PDLIM3: variants seen among roughly 807,000 people sequenced by gnomAD.
PDLIM3 encodes PDZ and LIM domain 3.
PDLIM3 carries 36 observed loss-of-function variants against 37.3 expected under a neutral mutation model. That is an observed-to-expected ratio of 0.97 (90% CI 0.74 to 1.28). The LOEUF (loss-of-function observed/expected upper bound fraction) is 1.28, where lower values mean the gene tolerates loss of function less well. PDLIM3 is among the 50% of genes most tolerant of loss of function. PDLIM3 has a pLI of 0.00. For missense variants in PDLIM3, 454 were observed against 485.0 expected (o/e 0.94, Z 0.60); for synonymous variants, 174 against 182.4 (o/e 0.95, Z 0.37).
At chr4:185,527,618 C>G (rs2095736538) in intron 1 of PDLIM3, among the ~76,000 whole-genome samples, 1 of 152,202 alleles carries the variant, frequency 6.6e-6, no homozygotes, top group South Asian at 2.1e-4. Context: ...AGACCCAGAA[C>G]TGTTAGTAGA....
chr4:185,513,998 G>T, intron 4 of PDLIM3: 1 of 1,312,410 alleles, frequency 7.6e-7, no homozygotes, highest in East Asian at 3.6e-5. Flanking sequence ...TTCTGGATGG[G>T]ATCCCCAGAG....
rs2095685994 is a variant in PDLIM3 at position 185,500,672 on chromosome 4, C to CA, written c.*1621dup. 6.6e-6 allele frequency: 1 copy of CA among 152,104 alleles called. No individual in the cohort carries two copies. Among genetic ancestry groups the CA allele is most frequent in the Non-Finnish European group, 1.5e-5 (1 of 68,022 alleles). The allele number at this position is 152,104 out of a possible 1,614,324, so 9.4% of individuals were successfully genotyped here. ...TTGGATACATTCATTTCTTTGATCT[C>CA]AAAAGTCTGTTTTATTTTTTTAATA... On this transcript the variant is annotated 3_prime_UTR_variant, in exon 8 of 8. Transcript: ENST00000284767.
intron 1 of PDLIM3, among the ~76,000 whole-genome samples, chr4:185,529,494 G>C (rs1055769561): frequency 6.6e-6 from 1 of 152,178 alleles, no homozygotes; most frequent in East Asian, 1.9e-4. Flanking sequence ...GGTAGGCACG[G>C]ACCAAAATCA....
intron 1 of PDLIM3, among the ~76,000 whole-genome samples, chr4:185,530,426 T>C (rs1223208012): frequency 1.3e-5 from 2 of 152,228 alleles, no homozygotes; most frequent in African/African-American, 4.8e-5. Flanking sequence ...CTCAAGCTCA[T>C]ATAGCATTCT....
chr4:185,511,062 A>T lies in PDLIM3; in HGVS notation c.399-2500T>A, dbSNP rs148945246. On this transcript the variant is annotated intron_variant, in intron 4 of 7. Coordinates refer to ENST00000284767, the MANE Select transcript of PDLIM3 (RefSeq NM_014476.6). ...GGTTGATAACACACTCAATTACTTCATGCCCAGATACGTCATTTGACAGAT... is the reference window on the plus strand; with the variant it reads ...GGTTGATAACACACTCAATTACTTCTTGCCCAGATACGTCATTTGACAGAT... 1.7e-3 allele frequency among the ~76,000 whole-genome samples: 256 copies of T among 152,342 alleles called. 3 individuals are homozygous for T. Among genetic ancestry groups the T allele is most frequent in the Admixed American group, 0.014 (221 of 15,306 alleles).
chr4:185,523,474 T>G (rs1444252006), intron 2 of PDLIM3, 28 bp from the exon 3 acceptor site: 4 of 1,369,474 alleles, frequency 2.9e-6, no homozygotes, highest in Admixed American at 1.7e-5. Flanking sequence ...TTTGTAAACT[T>G]CAAATTCTAA....
At chr4:185,530,967 A>AACACACACACACACAC (rs755319452) in intron 1 of PDLIM3, among the ~76,000 whole-genome samples, 1 of 51,420 alleles carries the variant, frequency 1.9e-5, no homozygotes, top group Non-Finnish European at 4.0e-5. Flanking sequence ...CATGCATAGA[A>AACACACACACACACAC]ACACACACAC....
Position 185,535,440 on chromosome 4 carries a change from C to T in PDLIM3, c.-6G>A, listed in dbSNP as rs752769578. ...AGGATCACCGTCTGGGGCATGCCGC[C>T]TTCCTCCCGCCCACCGGGCTCTAAG... On this transcript the variant is annotated 5_prime_UTR_variant, in exon 1 of 8. Transcript: ENST00000284767. 6 of 1,583,096 alleles carry T rather than the reference C, an allele frequency of 3.8e-6. No individual in the cohort carries two copies. In the Admixed American group the frequency reaches 7.1e-5, roughly 19 times the overall value.
Position 185,506,627 on chromosome 4 carries a change from C to T in PDLIM3, c.688G>A (p.Glu230Lys), listed in dbSNP as rs1440043894. 7 of 1,607,192 alleles carry T rather than the reference C, an allele frequency of 4.4e-6. No individual in the cohort carries two copies. The highest frequency in any genetic ancestry group is 2.2e-5 in the East Asian group (1 of 44,878). ...TGGAGCATCCGGTACACGTCCGACT[C>T]GGGGGGCACCGAGGCTGTGGGCTCG... ...MSEPTASVPPESDVYRMLHDN... is the reference protein window; with the variant it reads ...MSEPTASVPPKSDVYRMLHDN... The change falls in exon 6 of 8, where the codon GAG becomes AAG. Residue 230 changes from glutamate (E) to lysine (K), a missense_variant. Transcript: ENST00000284767.
chr4:185,502,541 A>C, intron 7 of PDLIM3, 58 bp from the exon 8 acceptor site: 4 of 1,489,340 alleles, frequency 2.7e-6, no homozygotes, highest in South Asian at 1.1e-5. Context: ...ATATGAGACA[A>C]AGGAGAGAAC....
chr4:185,535,260 C>CG, intron 1 of PDLIM3, 82 bp downstream of exon 1: 2 of 1,288,908 alleles, frequency 1.6e-6, no homozygotes, highest in Non-Finnish European at 2.2e-6. Context: ...TGGCCGCCCT[C>CG]GGCCCCGGGG....
At chr4:185,531,644 T>C (rs183589788) in intron 1 of PDLIM3, among the ~76,000 whole-genome samples, 25 of 152,264 alleles carry the variant, frequency 1.6e-4, no homozygotes, top group Non-Finnish European at 3.1e-4. Context: ...TCTGTATTTG[T>C]ATAGTGTGAG....
At chr4:185,515,498 A>G (rs1160406730) in intron 3 of PDLIM3, 1 of 152,044 alleles carries the variant, frequency 6.6e-6, no homozygotes, top group Non-Finnish European at 1.5e-5. Flanking sequence ...CAAGTGAGAG[A>G]CTCTTTTTAT....
intron 1 of PDLIM3, among the ~76,000 whole-genome samples, chr4:185,528,275 G>T (rs2153338917): frequency 6.6e-6 from 1 of 152,254 alleles, no homozygotes; most frequent in African/African-American, 2.4e-5. Flanking sequence ...TTCTGCATGT[G>T]TCCACACTAA....
intron 3 of PDLIM3, chr4:185,515,014 T>C (rs1176268453): frequency 4.1e-6 from 3 of 729,680 alleles, no homozygotes; most frequent in East Asian, 5.5e-5. Flanking sequence ...GACGGAAAGA[T>C]TAGAGGAGGA....
chr4:185,535,003 C>A (rs2095751031), intron 1 of PDLIM3, among the ~76,000 whole-genome samples: 1 of 152,224 alleles, frequency 6.6e-6, no homozygotes, highest in Non-Finnish European at 1.5e-5. Flanking sequence ...TTTCTGTTAT[C>A]ACATATAAAA....
At position 185,501,237 on chromosome 4, in the gene PDLIM3, G is replaced by A. The variant is rs1345531893; in HGVS notation, c.*1057C>T. On this transcript the variant is annotated 3_prime_UTR_variant, in exon 8 of 8. Transcript: ENST00000284767. ...TGAGAGTTTTGGAGGTGGTAGTGGA[G>A]GTGTTATTATTGCCTGGCCTCAACT... 6.6e-6 allele frequency: 1 copy of A among 152,314 alleles called. No individual in the cohort carries two copies. Among genetic ancestry groups the A allele is most frequent in the African/African-American group, 2.4e-5 (1 of 41,442 alleles). The allele number at this position is 152,314 out of a possible 1,614,324, so 9.4% of individuals were successfully genotyped here.
chr4:185,511,204 G>C (rs1381779894), intron 4 of PDLIM3, among the ~76,000 whole-genome samples: 1 of 152,078 alleles, frequency 6.6e-6, no homozygotes, highest in African/African-American at 2.4e-5. Context: ...CCTTACATAT[G>C]TATTTAATTG....
intron 1 of PDLIM3, among the ~76,000 whole-genome samples, chr4:185,526,151 T>C (rs1354148507): frequency 1.3e-5 from 2 of 152,218 alleles, no homozygotes; most frequent in South Asian, 2.1e-4. Context: ...GGGGCTCCCA[T>C]ACTAGCTGTT....
Sources: gnomAD v4.1 joint callset for allele counts (sites outside exome capture counted in the v4.1 genomes callset) on GRCh38, gnomAD v4.1.1 for gene constraint, MANE v1.5 for transcripts, NCBI Gene and HGNC (gene_info 2026-07-23, HGNC 2026-07-21) for gene names.